Variants in MAGIX observed in about 807,000 individuals in gnomAD.
The protein encoded by MAGIX is MAGI family member, X-linked.
A neutral mutation model predicts 10.0 loss-of-function variants in MAGIX; 13 were observed. The observed-to-expected ratio is 1.30, with a 90% CI of 0.84 to 2.06. The LOEUF (loss-of-function observed/expected upper bound fraction) is 2.06. Ranked by LOEUF, MAGIX falls within the 30% of genes most tolerant of loss-of-function variation. The pLI, the probability that MAGIX is intolerant of heterozygous loss-of-function variation, is 0.00. For missense variants in MAGIX, 235 were observed against 245.2 expected, an observed-to-expected ratio of 0.96 and a Z score of 0.28; for synonymous variants, 108 against 106.8, an observed-to-expected ratio of 1.01 and a Z score of -0.07.
chrX:49,165,252 C>G (rs373871202), exon 4 of MAGIX: 488 of 1,180,874 alleles, frequency 4.1e-4, no homozygotes, highest in Non-Finnish European at 3.6e-4. Context: ...ATGCCCAGGC[C>G]GTGGAGCGGA....
chrX:49,166,287 G>A, exon 5 of MAGIX: 1 of 1,186,424 alleles, frequency 8.4e-7, no homozygotes, highest in East Asian at 3.1e-5. Flanking sequence ...CAGATCCCGG[G>A]TTCCCCGGGG....
intron 4 of MAGIX, chrX:49,165,649 G>T: frequency 3.0e-6 from 1 of 338,334 alleles, no homozygotes; most frequent in South Asian, 7.3e-5. Context: ...AAAAGCAAGT[G>T]TTTGGAAGGA....
Position 49,162,950 on chromosome X carries a change from G to C in MAGIX, c.-202+205G>C, listed in dbSNP as rs781963489. On this transcript the variant is annotated intron_variant, in intron 1 of 4. Transcript: ENST00000616266. ...GGGGAGCAGAGGAGGTACAGGGATTGGGGTCGTTGGGGAAGGACAGGGCGA... is the reference window on the plus strand; with the variant it reads ...GGGGAGCAGAGGAGGTACAGGGATTCGGGTCGTTGGGGAAGGACAGGGCGA... The C allele has an allele frequency of 1.6e-6, 1 of 633,723 alleles. No homozygotes were observed. Among genetic ancestry groups the C allele is most frequent in the African/African-American group, 2.4e-5 (1 of 41,822 alleles). 52.2% of individuals were successfully genotyped at this position (633,723 alleles called of 1,213,427 possible).
At chrX:49,166,632 G>C in exon 5 of MAGIX, 1 of 370,326 alleles carries the variant, frequency 2.7e-6, no homozygotes, top group East Asian at 4.2e-5. Flanking sequence ...GTTCGATCCG[G>C]TCTTGACTTG....
At chrX:49,165,755 A>G (rs1207502269) in intron 4 of MAGIX, 12 of 329,781 alleles carry the variant, frequency 3.6e-5, no homozygotes, top group African/African-American at 5.4e-5. Flanking sequence ...TCTGAAAAAC[A>G]AAGGGTCGGT....
exon 5 of MAGIX, chrX:49,166,766 T>G: frequency 1.2e-5 from 2 of 166,788 alleles, no homozygotes; most frequent in Non-Finnish European, 2.3e-5. Context: ...CATGTTATCT[T>G]TGCTTCTGCC....
intron 4 of MAGIX, 34 bp downstream of exon 5, chrX:49,165,395 G>C: frequency 9.1e-7 from 1 of 1,102,353 alleles, no homozygotes; most frequent in Non-Finnish European, 1.2e-6. Context: ...TCAGAGATCA[G>C]TGAGGAGAAG....
intron 4 of MAGIX, 56 bp downstream of exon 5, chrX:49,165,417 C>A (rs2065360247): frequency 2.3e-5 from 24 of 1,038,437 alleles, no homozygotes; most frequent in Non-Finnish European, 8.9e-6. Context: ...GAGAGGTTCA[C>A]AGAGTGGAGA....
chrX:49,166,447 T>G, exon 5 of MAGIX: 1 of 1,043,361 alleles, frequency 9.6e-7, no homozygotes, highest in East Asian at 3.3e-5. Flanking sequence ...CCAACCTGGA[T>G]CCGGCGCGTG....
chrX:49,165,520 T>A, intron 4 of MAGIX, 159 bp downstream of exon 5: 2 of 470,945 alleles, frequency 4.2e-6, no homozygotes. Context: ...CAGGGAGGGG[T>A]ACAGGGTCCC....
chrX:49,163,599 C>A (rs2065343982), intron 1 of MAGIX, 184 bp from the exon 2 acceptor site: 1 of 343,435 alleles, frequency 2.9e-6, no homozygotes. Flanking sequence ...GGGGGTGCAC[C>A]GGCTACCCGC....
rs782034015 is a variant in MAGIX at position 49,164,844 on chromosome X, C to T, written c.84C>T (p.His28=). 5.7e-5 allele frequency: 69 copies of T among 1,209,629 alleles called. No individual in the cohort carries two copies. Among genetic ancestry groups the T allele is most frequent in the Non-Finnish European group, 7.5e-5 (67 of 893,994 alleles). The change falls in exon 3 of 5, where the codon CAC becomes CAT. Residue 28 remains histidine (H), a synonymous_variant. Transcript: ENST00000616266. ...CCTGCCTCAGGGCAAACTATGTACA[C>T]CTGTGTCCTTTATTCCAGCACCGTT... is the stretch of plus-strand genomic sequence containing the variant.
exon 3 of MAGIX, chrX:49,165,032 C>G: frequency 8.3e-7 from 1 of 1,210,230 alleles, no homozygotes; most frequent in Non-Finnish European, 1.1e-6. Flanking sequence ...GGGGACACTC[C>G]GCTGGCCGTG....
At chrX:49,166,009 C>T in intron 4 of MAGIX, 65 bp from the exon 6 acceptor site, 1 of 1,087,686 alleles carries the variant, frequency 9.2e-7, no homozygotes, top group African/African-American at 1.8e-5. Context: ...TTGGGTTCTC[C>T]TGTCCATCCT....
chrX:49,165,349 C>T lies in MAGIX; in HGVS notation c.490C>T (p.Arg164Ter). 1 of 1,164,362 alleles carries T rather than the reference C, an allele frequency of 8.6e-7. No homozygotes were observed. The highest frequency in any genetic ancestry group is 2.0e-5 in the South Asian group (1 of 50,819). Residue 164 changes from arginine (R) to a stop codon, truncating the protein, a stop_gained, in exon 4 of 5, where the codon CGA becomes TGA. Coordinates refer to ENST00000616266, the Ensembl canonical transcript of MAGIX. LOFTEE classifies it low-confidence loss of function (END_TRUNC). ...CAAGCCTCGAGGGGTGGGAGAGCCC[C>T]GAAAAGGAGTTGGTGGGTTTCCCAA...
intron 1 of MAGIX, chrX:49,162,814 G>A: frequency 1.7e-6 from 1 of 604,091 alleles, no homozygotes; most frequent in Non-Finnish European, 2.4e-6. Context: ...GGCCTGGGCG[G>A]GCCGCCAGGT....
chrX:49,163,466 C>T (rs2065343113), intron 1 of MAGIX: 1 of 178,356 alleles, frequency 5.6e-6, no homozygotes, highest in African/African-American at 3.1e-5. Flanking sequence ...CCTGAGATAT[C>T]GCGGGCGAAG....
At position 49,166,048 on chromosome X, in the gene MAGIX, ACTTCACCACCCAAT is replaced by A. The variant is rs2065364169; in HGVS notation, c.503-23_503-10del. On this transcript the variant is annotated splice_polypyrimidine_tract_variant and intron_variant, in intron 4 of 4. Coordinates refer to ENST00000616266, the Ensembl canonical transcript of MAGIX. ...CCAAAGGCCTGGATTTCCCTTCCCTACTTCACCACCCAATCTAATCCGTAGTCCCGTCATGGCCA... is the reference window on the plus strand; with the variant it reads ...CCAAAGGCCTGGATTTCCCTTCCCTACTAATCCGTAGTCCCGTCATGGCCA... 7.6e-6 allele frequency: 9 copies of A among 1,189,670 alleles called. No individual in the cohort carries two copies. The East Asian group carries it at 1.5e-4, about 20-fold the overall frequency.
At chrX:49,168,033 A>G (rs2065377982) in exon 5 of MAGIX, 1 of 111,920 alleles carries the variant, frequency 8.9e-6, no homozygotes, top group African/African-American at 3.3e-5. Context: ...ATTGACAAGT[A>G]TTAATTGAAC....
Sources: allele counts gnomAD v4.1 joint callset, GRCh38; gene constraint gnomAD v4.1.1; transcripts MANE v1.5; gene names NCBI Gene and HGNC (gene_info 2026-07-23, HGNC 2026-07-21).